The following NREP variants were observed in gnomAD, a reference collection of about 807,000 sequenced individuals.
NREP encodes neuronal regeneration related protein.
A neutral mutation model predicts 8.6 loss-of-function variants in NREP; 5 were observed. The ratio of observed to expected loss-of-function variants is 0.58; its 90% confidence interval spans 0.30 to 1.22. NREP has a LOEUF of 1.22. Ranked by LOEUF, NREP falls within the 50% of genes most tolerant of loss-of-function variation. The pLI is 0.07. For synonymous variants in NREP, 27 were observed against 28.0 expected (o/e 0.96, Z 0.11); for missense variants, 86 against 82.5 (o/e 1.04, Z -0.17).
rs148796895 is a variant in NREP at position 111,909,188 on chromosome 5, T to C, written c.135+66086A>G. ...TTCTGTAGGTTGTCTGTTTACTCTG[T>C]TGATAGTTTCTTTTGCTGCCATAAG... On this transcript the variant is annotated intron_variant, in intron 2 of 3. Coordinates refer to the NREP transcript ENST00000395634. 8.2e-4 allele frequency among the ~76,000 whole-genome samples: 124 copies of C among 152,114 alleles called. 1 individual carries two copies. In the East Asian group the frequency reaches 0.02, roughly 25 times the overall value.
chr5:111,827,285 G>T (rs1441499022), intron 2 of NREP, among the ~76,000 whole-genome samples: 2 of 152,152 alleles, frequency 1.3e-5, no homozygotes, highest in African/African-American at 4.8e-5. Flanking sequence ...CGTTTGGTTT[G>T]CTTCCTACCT....
chr5:111,854,265 GC>G (rs1333725387), intron 2 of NREP, among the ~76,000 whole-genome samples: 7 of 152,288 alleles, frequency 4.6e-5, no homozygotes, highest in African/African-American at 1.7e-4. Context: ...AATTTGAGGG[GC>G]TCAGCAGTTC....
intron 2 of NREP, among the ~76,000 whole-genome samples, chr5:111,843,627 A>G (rs1001171988): frequency 6.6e-6 from 1 of 151,982 alleles, no homozygotes; most frequent in Non-Finnish European, 1.5e-5. Flanking sequence ...ATTATTAGTG[A>G]TCATTGAGGA....
intron 2 of NREP, among the ~76,000 whole-genome samples, chr5:111,818,462 C>G (rs1159071572): frequency 1.3e-5 from 2 of 152,036 alleles, no homozygotes; most frequent in South Asian, 4.2e-4. Context: ...TTCACATAAT[C>G]AATATAAAGC....
chr5:111,909,519 C>T (rs770401287), intron 2 of NREP, among the ~76,000 whole-genome samples: 1 of 151,980 alleles, frequency 6.6e-6, no homozygotes, highest in Non-Finnish European at 1.5e-5. Context: ...GTGTATTTAG[C>T]AGCTCAAGAT....
intron 2 of NREP, among the ~76,000 whole-genome samples, chr5:111,793,132 A>G (rs1751789634): frequency 6.6e-6 from 1 of 152,240 alleles, no homozygotes; most frequent in African/African-American, 2.4e-5. Context: ...GGCATTTCCC[A>G]ACCGTATTGC....
At chr5:111,753,725 C>T (rs1750524554) in intron 2 of NREP, among the ~76,000 whole-genome samples, 1 of 152,092 alleles carries the variant, frequency 6.6e-6, no homozygotes, top group Non-Finnish European at 1.5e-5. Context: ...TCTACTGCTT[C>T]ACTAGAAGCA....
At chr5:111,849,674 G>T (rs1190080471) in intron 2 of NREP, among the ~76,000 whole-genome samples, 2 of 152,014 alleles carry the variant, frequency 1.3e-5, no homozygotes, top group Admixed American at 1.3e-4. Context: ...GACTGTTAGT[G>T]GTCCTTCCAT....
intron 2 of NREP, among the ~76,000 whole-genome samples, chr5:111,860,204 A>G (rs1004144015): frequency 3.3e-5 from 5 of 152,104 alleles, no homozygotes; most frequent in African/African-American, 1.2e-4. Context: ...GGAATAGGAA[A>G]CACTTCTTTT....
Position 111,861,298 on chromosome 5 carries a change from G to T in NREP, c.135+113976C>A, listed in dbSNP as rs538383931. ...CCAAGCAGTGGCTGCCCAGGTCTTTGCCCCCAAATTAATGCATGAAATGCT... is the reference window on the plus strand; with the variant it reads ...CCAAGCAGTGGCTGCCCAGGTCTTTTCCCCCAAATTAATGCATGAAATGCT... On this transcript the variant is annotated intron_variant, in intron 2 of 3. Transcript: ENST00000395634. Among the ~76,000 whole-genome samples, 49 of 152,184 alleles carry T rather than the reference G, an allele frequency of 3.2e-4. No homozygotes were observed. The South Asian group carries it at 9.5e-3, about 30-fold the overall frequency.
chr5:111,914,900 G>A (rs6899197), intron 2 of NREP, among the ~76,000 whole-genome samples: 1 of 151,886 alleles, frequency 6.6e-6, no homozygotes, highest in African/African-American at 2.4e-5. Context: ...TTCAGGAAGA[G>A]ATTTTTCCAT....
chr5:111,885,667 G>T (rs1217722463), intron 2 of NREP, among the ~76,000 whole-genome samples: 2 of 151,938 alleles, frequency 1.3e-5, no homozygotes, highest in African/African-American at 4.8e-5. Flanking sequence ...AAATAATGCC[G>T]CATATCTTCA....
chr5:111,814,963 GAAAAAAA>G (rs60414933), intron 2 of NREP, among the ~76,000 whole-genome samples: 2 of 135,798 alleles, frequency 1.5e-5, no homozygotes, highest in Non-Finnish European at 3.2e-5. Context: ...TTACCAAGAG[GAAAAAAA>G]AAAAAAAGGA....
chr5:111,779,829 G>A (rs1044810542), intron 2 of NREP, among the ~76,000 whole-genome samples: 15 of 152,196 alleles, frequency 9.9e-5, no homozygotes, highest in Admixed American at 9.8e-4. Flanking sequence ...GTATGAGAGA[G>A]GACAAGAACA....
At chr5:111,881,779 TA>T (rs1754080628) in intron 2 of NREP, among the ~76,000 whole-genome samples, 1 of 152,088 alleles carries the variant, frequency 6.6e-6, no homozygotes, top group Non-Finnish European at 1.5e-5. Flanking sequence ...TCCTGTCTGT[TA>T]GAAGGAAAAC....
At chr5:111,894,732 A>T (rs1754468168) in intron 2 of NREP, among the ~76,000 whole-genome samples, 1 of 152,176 alleles carries the variant, frequency 6.6e-6, no homozygotes, top group African/African-American at 2.4e-5. Flanking sequence ...TGAAACCATG[A>T]TTGTTGATGC....
At chr5:111,901,836 G>C (rs1301891300) in intron 2 of NREP, among the ~76,000 whole-genome samples, 1 of 152,090 alleles carries the variant, frequency 6.6e-6, no homozygotes, top group Non-Finnish European at 1.5e-5. Flanking sequence ...CCATGATCCT[G>C]GATCAGAAGA....
chr5:111,924,653 T>C (rs542514615), intron 2 of NREP, among the ~76,000 whole-genome samples: 2 of 152,308 alleles, frequency 1.3e-5, no homozygotes, highest in African/African-American at 4.8e-5. Context: ...TTGCAGGGGC[T>C]ACTGCAGTGT....
At chr5:111,888,423 G>C (rs1179079636) in intron 2 of NREP, among the ~76,000 whole-genome samples, 1 of 152,128 alleles carries the variant, frequency 6.6e-6, no homozygotes, top group East Asian at 1.9e-4. Flanking sequence ...TGGCAGGATG[G>C]AGTGAGTACC....
Sources: allele counts gnomAD v4.1 joint callset (sites outside exome capture counted in the v4.1 genomes callset), GRCh38; gene constraint gnomAD v4.1.1; transcripts MANE v1.5; gene names NCBI Gene and HGNC (gene_info 2026-07-23, HGNC 2026-07-21).